Variants in KNTC1 observed in about 807,000 individuals in gnomAD.
KNTC1 encodes kinetochore associated 1.
KNTC1 carries 253 observed loss-of-function variants against 314.4 expected under a neutral mutation model. The observed-to-expected ratio is 0.80, with a 90% CI of 0.73 to 0.89. The LOEUF is 0.89. Among genes scored for constraint, KNTC1 ranks in the 40% least tolerant of loss-of-function variants. The pLI, the probability that KNTC1 is intolerant of heterozygous loss-of-function variation, is 0.00. For synonymous variants in KNTC1, 901 were observed against 901.4 expected (o/e 1.00, Z 0.01); for missense variants, 2,475 against 2,572.9 (o/e 0.96, Z 0.82).
In KNTC1 at chr12:122,604,938, C is replaced by T. The variant is rs749726386; in HGVS notation, c.5237C>T (p.Ser1746Leu). 4.3e-6 allele frequency: 7 copies of T among 1,610,846 alleles called. No homozygotes were observed. Among genetic ancestry groups the T allele is most frequent in the East Asian group, 2.2e-5 (1 of 44,844 alleles). ...LKKLHIQYRRSGTEAVLIAHK... is the reference protein window; with the variant it reads ...LKKLHIQYRRLGTEAVLIAHK... ...AAGCTTCATATCCAGTACCGGCGATCGGGCACAGAAGCTGTGCTCATAGCC... is the reference window on the plus strand; with the variant it reads ...AAGCTTCATATCCAGTACCGGCGATTGGGCACAGAAGCTGTGCTCATAGCC... The change falls in exon 50 of 64, where the codon TCG (serine) becomes TTG (leucine). Residue 1746 changes from serine to leucine, a missense_variant. Coordinates refer to ENST00000333479, the MANE Select transcript of KNTC1 (RefSeq NM_014708.6).
rs751765066 is a variant in KNTC1, at chr12:122,613,775, A to T, written c.5877+14A>T. 1.3e-6 allele frequency: 2 copies of T among 1,581,272 alleles called. No homozygotes were observed. The highest frequency in any genetic ancestry group is 3.9e-5 in the Admixed American group (2 of 51,814). On this transcript the variant is annotated intron_variant, in intron 55 of 63. Transcript: ENST00000333479. ...CACGAGTCCATGGTAGGTACACCTCACTGCCCCATTCCCAATTCCCTGCCC... is the reference window on the plus strand; with the variant it reads ...CACGAGTCCATGGTAGGTACACCTCTCTGCCCCATTCCCAATTCCCTGCCC...
At chr12:122,572,485 ATATAAGAGCTT>A (rs1964759347) in intron 24 of KNTC1, among the ~76,000 whole-genome samples, 1 of 152,196 alleles carries the variant, frequency 6.6e-6, no homozygotes, top group Non-Finnish European at 1.5e-5. Context: ...CACCTTTTCT[ATATAAGAGCTT>A]TTTCCTCTTG....
At chr12:122,527,472 G>T (rs1001994782) in intron 1 of KNTC1, 121 bp downstream of exon 1, 46 of 152,654 alleles carry the variant, frequency 3.0e-4, no homozygotes, top group African/African-American at 1.0e-3. Flanking sequence ...GGTTGGAGTC[G>T]GTTTTTGCTG....
chr12:122,574,357 A>G lies in KNTC1; in HGVS notation c.2359A>G (p.Ile787Val). Reference sequence around the variant, plus strand: ...ATGGGAAGCAAAGGCCATGGCAGTAATAGCGTGTTTATCTGACACGGACGT... The same window carrying G: ...ATGGGAAGCAAAGGCCATGGCAGTAGTAGCGTGTTTATCTGACACGGACGT... ...TAWEAKAMAV[I>V]ACLSDTDLIF... Residue 787 changes from isoleucine (I) to valine (V), a missense_variant, in exon 27 of 64, where the codon ATA (isoleucine) becomes GTA (valine). By Grantham distance (29) the Ile-to-Val change is conservative (BLOSUM62 3). Transcript: ENST00000333479. 1 of 1,608,162 alleles carries G rather than the reference A, an allele frequency of 6.2e-7. No homozygotes were observed. The highest frequency in any genetic ancestry group is 8.5e-7 in the Non-Finnish European group (1 of 1,175,894).
intron 33 of KNTC1, 92 bp downstream of exon 33, chr12:122,580,762 C>A: frequency 1.3e-6 from 1 of 747,122 alleles, no homozygotes; most frequent in Non-Finnish European, 2.2e-6. Flanking sequence ...GGCGCAGTGG[C>A]TTACCCCTGT....
Position 122,582,962 on chromosome 12 carries a change from C to T in KNTC1, c.3240C>T (p.Ile1080=), listed in dbSNP as rs763405763. The part of the protein sequence containing the change: ...LTLRALKDGN[I]KTALKKCSDL... ...TGAGAGCCTTAAAAGATGGGAACAT[C>T]AAAACAGCACTGAAAAAATGCAGGT... Residue 1080 remains isoleucine (I), a synonymous_variant, in exon 34 of 64, where the codon ATC becomes ATT. Coordinates refer to ENST00000333479, the MANE Select transcript of KNTC1 (RefSeq NM_014708.6). 1 of 1,608,398 alleles carries T rather than the reference C, an allele frequency of 6.2e-7. No homozygotes were observed. The highest frequency in any genetic ancestry group is 1.1e-5 in the South Asian group (1 of 90,756).
chr12:122,601,672 T>G (rs1249243359), intron 45 of KNTC1, 47 bp downstream of exon 45: 1 of 1,424,138 alleles, frequency 7.0e-7, no homozygotes, highest in Non-Finnish European at 9.2e-7. Context: ...TCTGCTTTTA[T>G]TTGGATCATA....
intron 29 of KNTC1, 130 bp downstream of exon 29, chr12:122,576,029 T>C (rs1453493562): frequency 2.6e-6 from 3 of 1,142,510 alleles, no homozygotes; most frequent in Non-Finnish European, 3.6e-6. Flanking sequence ...TTGTTAGATA[T>C]GATGTTAATA....
At chr12:122,550,104 ATTC>A (rs1181580988) in intron 13 of KNTC1, among the ~76,000 whole-genome samples, 9 of 152,168 alleles carry the variant, frequency 5.9e-5, no homozygotes, top group South Asian at 2.1e-4. Flanking sequence ...TCATCTGCTT[ATTC>A]TTCTTTCTTG....
chr12:122,544,364 A>G (rs1447940024), intron 8 of KNTC1, 95 bp downstream of exon 8: 1 of 649,430 alleles, frequency 1.5e-6, no homozygotes, highest in Non-Finnish European at 2.7e-6. Flanking sequence ...AATTTGTAAC[A>G]TATAACCGAA....
intron 42 of KNTC1, among the ~76,000 whole-genome samples, chr12:122,591,953 C>T (rs897175407): frequency 3.3e-5 from 5 of 152,240 alleles, no homozygotes; most frequent in Admixed American, 2.6e-4. Flanking sequence ...CCTGCCGCTG[C>T]ACTGTGGGAG....
chr12:122,609,781 A>G (rs1265590694), intron 52 of KNTC1, among the ~76,000 whole-genome samples: 1 of 152,166 alleles, frequency 6.6e-6, no homozygotes, highest in African/African-American at 2.4e-5. Context: ...GATATGGGCC[A>G]CCAGATTCTT....
At chr12:122,573,520 T>C (rs757369658) in intron 26 of KNTC1, among the ~76,000 whole-genome samples, 2 of 152,160 alleles carry the variant, frequency 1.3e-5, no homozygotes, top group Non-Finnish European at 2.9e-5. Context: ...TTAGGGAGTT[T>C]ATTTTGCCAA....
chr12:122,602,793 C>G, intron 46 of KNTC1, 36 bp from the exon 47 acceptor site: 2 of 1,609,924 alleles, frequency 1.2e-6, no homozygotes, highest in Non-Finnish European at 1.7e-6. Context: ...AATTTTTTTT[C>G]TTAAGCAAAT....
intron 24 of KNTC1, 86 bp downstream of exon 24, chr12:122,571,212 T>C: frequency 5.4e-6 from 5 of 919,254 alleles, no homozygotes; most frequent in Non-Finnish European, 8.2e-6. Flanking sequence ...TATCTGGAAA[T>C]ATATCTACTT....
In KNTC1 at chr12:122,602,700, G is replaced by C. The variant is rs773249274; in HGVS notation, c.4785G>C (p.Leu1595=). The C allele has an allele frequency of 4.3e-6, 7 of 1,613,924 alleles. No individual in the cohort carries two copies. The East Asian group carries it at 8.9e-5, about 21-fold the overall frequency. Reference sequence around the variant, plus strand: ...CCCAAACTAGACTGCCTTTTCACCTGATATTCTTTGGCACAGCACAGAACT... The same window carrying C: ...CCCAAACTAGACTGCCTTTTCACCTCATATTCTTTGGCACAGCACAGAACT... The part of the protein sequence containing the change: ...SAAQTRLPFH[L]IFFGTAQNFW... Residue 1595 remains leucine (L), a synonymous_variant, in exon 46 of 64, where the codon CTG becomes CTC. Coordinates refer to ENST00000333479, the MANE Select transcript of KNTC1 (RefSeq NM_014708.6).
chr12:122,566,846 C>T (rs1964381652), intron 20 of KNTC1, among the ~76,000 whole-genome samples: 2 of 131,616 alleles, frequency 1.5e-5, no homozygotes, highest in African/African-American at 2.9e-5. Flanking sequence ...ACTGCAGCTT[C>T]AGCCTCCCAA....
intron 20 of KNTC1, among the ~76,000 whole-genome samples, chr12:122,565,661 C>A (rs1964280984): frequency 6.6e-6 from 1 of 151,948 alleles, no homozygotes; most frequent in African/African-American, 2.4e-5. Flanking sequence ...CTGAGGTAGG[C>A]GGATCGCTTC....
chr12:122,543,581 GCTTT>G lies in KNTC1; in HGVS notation c.524-14_524-11del, dbSNP rs746161088. On this transcript the variant is annotated splice_polypyrimidine_tract_variant and intron_variant, in intron 6 of 63. Coordinates refer to ENST00000333479, the MANE Select transcript of KNTC1 (RefSeq NM_014708.6). The stretch of plus-strand genomic sequence containing the variant: ...TAGATTAATACTATACATTTAGCCT[GCTTT>G]CTTTTTTAATGCAGCAATTGAGAAT... 6.5e-7 allele frequency: 1 copy of G among 1,529,114 alleles called. No homozygotes were observed. The highest frequency in any genetic ancestry group is 8.9e-7 in the Non-Finnish European group (1 of 1,129,032). The allele number at this position is 1,529,114 out of a possible 1,614,324, so 94.7% of individuals were successfully genotyped here.
Sources: allele counts gnomAD v4.1 joint callset (sites outside exome capture counted in the v4.1 genomes callset), GRCh38; gene constraint gnomAD v4.1.1; transcripts MANE v1.5; gene names NCBI Gene and HGNC (gene_info 2026-07-23, HGNC 2026-07-21).